The following TRIM56 variants were observed in gnomAD, a reference collection of about 807,000 sequenced individuals.
TRIM56 encodes the protein tripartite motif containing 56.
In TRIM56, 10 loss-of-function variants were observed where a neutral mutation model predicts 17.1. The observed-to-expected ratio is 0.58, with a 90% CI of 0.36 to 0.99. TRIM56 has a LOEUF of 0.99. Ranked by LOEUF, TRIM56 falls within the 50% of genes least tolerant of loss-of-function variation. The pLI is 0.01. For synonymous variants in TRIM56, 503 were observed against 473.5 expected, an observed-to-expected ratio of 1.06 and a Z score of -0.81; for missense variants, 923 against 1,052.3, an observed-to-expected ratio of 0.88 and a Z score of 1.70.
Position 101,091,134 on chromosome 7 carries a change from T to C in TRIM56, c.*1554T>C, listed in dbSNP as rs886745733. On this transcript the variant is annotated 3_prime_UTR_variant, in exon 3 of 3. Transcript: ENST00000306085. ...ACCTTTTCATAAGTGGTGGCAGTGG[T>C]AGAATTGAGGGGGCAAGTAGGCTTG... is the stretch of plus-strand genomic sequence containing the variant. 6.6e-6 allele frequency: 1 copy of C among 150,806 alleles called. No individual in the cohort carries two copies. 9.3% of individuals were successfully genotyped at this position (150,806 alleles called of 1,614,324 possible).
chr7:101,089,810 AT>A lies in TRIM56; in HGVS notation c.*231del. ...AGAGGAGGCAGGTGGGTGGAGGGGGATGCTGGGAGTTCACCTGCCTCTTGCT... is the reference window on the plus strand; with the variant it reads ...AGAGGAGGCAGGTGGGTGGAGGGGGAGCTGGGAGTTCACCTGCCTCTTGCT... On this transcript the variant is annotated 3_prime_UTR_variant, in exon 3 of 3. Coordinates refer to ENST00000306085, the MANE Select transcript of TRIM56 (RefSeq NM_030961.3). The A allele has an allele frequency of 2.1e-6, 1 of 484,768 alleles. No homozygotes were observed. The highest frequency in any genetic ancestry group is 5.6e-4 in the Middle Eastern group (1 of 1,784). 30.0% of individuals were successfully genotyped at this position (484,768 alleles called of 1,614,324 possible).
At chr7:101,086,212 C>T (rs1795446180) in intron 1 of TRIM56, among the ~76,000 whole-genome samples, 1 of 151,268 alleles carries the variant, frequency 6.6e-6, no homozygotes, top group Non-Finnish European at 1.5e-5. Flanking sequence ...GGAGACCAGC[C>T]TGGGCAACAT....
Position 101,088,810 on chromosome 7 carries a change from C to G in TRIM56, c.1498C>G (p.Arg500Gly). The G allele has an allele frequency of 1.2e-6, 2 of 1,613,814 alleles. No individual in the cohort carries two copies. The highest frequency in any genetic ancestry group is 1.7e-6 in the Non-Finnish European group (2 of 1,180,042). The stretch of plus-strand genomic sequence containing the variant: ...CATCTTTTACTGCAGTTTCCCCACG[C>G]GGATGCCTGGAGACAAGCGGTCCCC... The part of the protein sequence containing the change: ...RPIFYCSFPT[R>G]MPGDKRSPRI... Residue 500 changes from arginine to glycine, a missense_variant, in exon 3 of 3, where the codon CGG (arginine) becomes GGG (glycine). Transcript: ENST00000306085.
rs1330939599 is a variant in TRIM56, at chr7:101,092,227, G to C, written c.*2647G>C. ...GCCGCCACCCCCTCTGGGAAGTGCG[G>C]AGTGTCTCTGCCTGGCCGCCCATTG... On this transcript the variant is annotated 3_prime_UTR_variant, in exon 3 of 3. Transcript: ENST00000306085. The C allele has an allele frequency of 5.0e-6, 1 of 198,252 alleles. No individual in the cohort carries two copies. The highest frequency in any genetic ancestry group is 5.7e-5 in the Admixed American group (1 of 17,436). The allele number at this position is 198,252 out of a possible 1,614,324, so 12.3% of individuals were successfully genotyped here.
Position 101,090,891 on chromosome 7 carries a change from A to T in TRIM56, c.*1311A>T, listed in dbSNP as rs2116537402. On this transcript the variant is annotated 3_prime_UTR_variant, in exon 3 of 3. Coordinates refer to ENST00000306085, the MANE Select transcript of TRIM56 (RefSeq NM_030961.3). Reference sequence around the variant, plus strand: ...TTGCCTTCTCTTCATTTTCCAGCAAAATTCCTTTTGAGATATGTTGGCCTT... The same window carrying T: ...TTGCCTTCTCTTCATTTTCCAGCAATATTCCTTTTGAGATATGTTGGCCTT... 6.6e-6 allele frequency: 1 copy of T among 151,968 alleles called. No individual in the cohort carries two copies. The highest frequency in any genetic ancestry group is 1.9e-4 in the East Asian group (1 of 5,150). 9.4% of individuals were successfully genotyped at this position (151,968 alleles called of 1,614,324 possible).
At position 101,088,505 on chromosome 7, in the gene TRIM56, A is replaced by G. The variant is rs775053601; in HGVS notation, c.1193A>G (p.Asp398Gly). The G allele has an allele frequency of 8.1e-6, 13 of 1,613,860 alleles. No individual in the cohort carries two copies. The highest frequency in any genetic ancestry group is 1.1e-5 in the Non-Finnish European group (13 of 1,179,908). The change falls in exon 3 of 3, where the codon GAT (aspartate) becomes GGT (glycine). Residue 398 changes from aspartate to glycine, a missense_variant. Transcript: ENST00000306085. ...GAGGAGAGCCAGAGCCGGAGGGAGG[A>G]TGAGCCGAAGACTGAGAGACAGGGT... ...GGEESQSRREDEPKTERQGGV... is the reference protein window; with the variant it reads ...GGEESQSRREGEPKTERQGGV...
In TRIM56 at chr7:101,092,738, C is replaced by A. The variant is rs13237868; in HGVS notation, c.*3158C>A. The A allele has an allele frequency of 0.02, 3,015 of 150,882 alleles. 36 individuals are homozygous for A. The highest frequency in any genetic ancestry group is 0.031 in the Non-Finnish European group (2,139 of 69,362). The allele number at this position is 150,882 out of a possible 1,614,324, so 9.3% of individuals were successfully genotyped here. Reference sequence around the variant, plus strand: ...GAGGTGGGGGGCGCCTCCGCCCGGCCGCTGTCCCGTCCGGGAGGTGGGGGG... The same window carrying A: ...GAGGTGGGGGGCGCCTCCGCCCGGCAGCTGTCCCGTCCGGGAGGTGGGGGG... On this transcript the variant is annotated 3_prime_UTR_variant, in exon 3 of 3. Transcript: ENST00000306085.
Position 101,087,718 on chromosome 7 carries a change from C to T in TRIM56, c.406C>T (p.Arg136Cys), listed in dbSNP as rs775941310. The change falls in exon 3 of 3, where the codon CGC becomes TGC. Residue 136 changes from arginine to cysteine, a missense_variant. This residue lies in a region of TRIM56 where 643 missense variants were observed against 665.6 expected (regional missense o/e 0.97). Transcript: ENST00000306085. ...GTGCCAGGCCTGTGCCGACGGGCAC[C>T]GCTGCACCCGCCAGACCCACACCCA... ...DLCQACADGH[R>C]CTRQTHTHRV... 4 of 1,586,872 alleles carry T rather than the reference C, an allele frequency of 2.5e-6. No individual in the cohort carries two copies. Among genetic ancestry groups the T allele is most frequent in the African/African-American group, 2.7e-5 (2 of 74,520 alleles).
chr7:101,087,243 C>T (rs988619186), intron 2 of TRIM56, 69 bp from the exon 3 acceptor site: 92 of 1,418,154 alleles, frequency 6.5e-5, no homozygotes, highest in Non-Finnish European at 7.7e-5. Context: ...TGAGGACGGG[C>T]GGTAGAAGCT....
rs866667303 is a variant in TRIM56 at position 101,088,739 on chromosome 7, C to T, written c.1427C>T (p.Pro476Leu). 6.2e-7 allele frequency: 1 copy of T among 1,614,082 alleles called. No individual in the cohort carries two copies. The highest frequency in any genetic ancestry group is 1.1e-5 in the South Asian group (1 of 91,082). The change falls in exon 3 of 3, where the codon CCA becomes CTA. Residue 476 changes from proline (P) to leucine (L), a missense_variant. Pro to Leu is a moderately conservative substitution (Grantham distance 98). This residue lies in a region of TRIM56 where 643 missense variants were observed against 665.6 expected (regional missense o/e 0.97). Transcript: ENST00000306085. ...RLKSISREPS[P>L]ALGPNLDGSG... ...AAGTCAATTTCCCGGGAGCCCAGCC[C>T]AGCCCTGGGGCCGAATCTGGACGGC... is the stretch of plus-strand genomic sequence containing the variant.
At position 101,093,126 on chromosome 7, in the gene TRIM56, G is replaced by T. The variant is rs1670033561; in HGVS notation, c.*3546G>T. 4 of 162,850 alleles carry T rather than the reference G, an allele frequency of 2.5e-5. No individual in the cohort carries two copies. The South Asian group carries it at 5.5e-4, about 22-fold the overall frequency. The allele number at this position is 162,850 out of a possible 1,614,324, so 10.1% of individuals were successfully genotyped here. A position where few individuals can be genotyped will look rare whatever the true frequency, so the allele number is the denominator to read the frequency against. ...GCAAGATGTGCTTTGTTAAACAGAT[G>T]CTTGAAGGCAGCATGCTCCTTAAGA... is the stretch of plus-strand genomic sequence containing the variant. On this transcript the variant is annotated 3_prime_UTR_variant, in exon 3 of 3. Transcript: ENST00000306085.
Position 101,092,028 on chromosome 7 carries a change from G to A in TRIM56, c.*2448G>A. On this transcript the variant is annotated 3_prime_UTR_variant, in exon 3 of 3. Transcript: ENST00000306085. Reference sequence around the variant, plus strand: ...TGGTCTCCAGCTCCTAACCGCGAGTGATCCGCCAGCCTCGGCCTCCGGAGG... The same window carrying A: ...TGGTCTCCAGCTCCTAACCGCGAGTAATCCGCCAGCCTCGGCCTCCGGAGG... 1 of 291,374 alleles carries A rather than the reference G, an allele frequency of 3.4e-6. No individual in the cohort carries two copies. The highest frequency in any genetic ancestry group is 6.6e-6 in the Non-Finnish European group (1 of 151,242). 18.0% of individuals were successfully genotyped at this position (291,374 alleles called of 1,614,324 possible).
Position 101,089,604 on chromosome 7 carries a change from G to A in TRIM56, c.*24G>A. 6.3e-7 allele frequency: 1 copy of A among 1,587,544 alleles called. No individual in the cohort carries two copies. Among genetic ancestry groups the A allele is most frequent in the Non-Finnish European group, 8.6e-7 (1 of 1,162,224 alleles). Reference sequence around the variant, plus strand: ...AAAGGGGCTAGGACTAGGGTGAGAGGGAGTGGGGAGGGAGAGGGCAGGAAG... The same window carrying A: ...AAAGGGGCTAGGACTAGGGTGAGAGAGAGTGGGGAGGGAGAGGGCAGGAAG... On this transcript the variant is annotated 3_prime_UTR_variant, in exon 3 of 3. Coordinates refer to ENST00000306085, the MANE Select transcript of TRIM56 (RefSeq NM_030961.3).
In TRIM56 at chr7:101,089,013, C is replaced by T. The variant is rs185111615; in HGVS notation, c.1701C>T (p.Ser567=). The part of the protein sequence containing the change: ...ALQSAVAFSA[S]ARLYLINPNG... ...AGAGCGCGGTGGCCTTCTCCGCTAG[C>T]GCACGGCTCTATCTCATCAACCCCA... The change falls in exon 3 of 3, where the codon AGC becomes AGT. Residue 567 remains serine, a synonymous_variant. Coordinates refer to ENST00000306085, the MANE Select transcript of TRIM56 (RefSeq NM_030961.3). 11 of 1,606,674 alleles carry T rather than the reference C, an allele frequency of 6.8e-6. No individual in the cohort carries two copies. Among genetic ancestry groups the T allele is most frequent in the Admixed American group, 3.3e-5 (2 of 60,014 alleles).
At position 101,097,213 on chromosome 7, in the gene TRIM56, C is replaced by G. The variant is rs1795664891; in HGVS notation, c.*7633C>G. On this transcript the variant is annotated 3_prime_UTR_variant, in exon 3 of 3. Transcript: ENST00000306085. ...TGGGCAGGGTTGAACAGGCGAGTGC[C>G]AAGATCAAGGTCTCTGATTGTCTCT... The G allele has an allele frequency of 6.6e-6, 1 of 152,144 alleles. No individual in the cohort carries two copies. Among genetic ancestry groups the G allele is most frequent in the Non-Finnish European group, 1.5e-5 (1 of 68,030 alleles). 9.4% of individuals were successfully genotyped at this position (152,144 alleles called of 1,614,324 possible).
rs1002158685 is a variant in TRIM56, at chr7:101,088,183, A to C, written c.871A>C (p.Arg291=). The change falls in exon 3 of 3, where the codon AGG becomes CGG. Residue 291 remains arginine, a synonymous_variant. Coordinates refer to ENST00000306085, the MANE Select transcript of TRIM56 (RefSeq NM_030961.3). ...VEAAEEAARE[R]LAELEGREQV... is the part of the protein sequence containing the mutation. ...GGCTGCCGAAGAAGCTGCTCGGGAG[A>C]GGCTGGCGGAGCTTGAGGGCCGGGA... 3.4e-6 allele frequency: 5 copies of C among 1,483,284 alleles called. No homozygotes were observed. In the East Asian group the frequency reaches 9.9e-5, roughly 29 times the overall value. The allele number at this position is 1,483,284 out of a possible 1,614,324, so 91.9% of individuals were successfully genotyped here.
In TRIM56 at chr7:101,094,502, A is replaced by G. The variant is rs536065857; in HGVS notation, c.*4922A>G. 49 of 152,312 alleles carry G rather than the reference A, an allele frequency of 3.2e-4. No individual in the cohort carries two copies. Among genetic ancestry groups the G allele is most frequent in the East Asian group, 2.5e-3 (13 of 5,186 alleles). The allele number at this position is 152,312 out of a possible 1,614,324, so 9.4% of individuals were successfully genotyped here. ...AATACACCTTTATAAGTAATACTCAATAACTACTGGGTTTGAGAATGAAGG... is the reference window on the plus strand; with the variant it reads ...AATACACCTTTATAAGTAATACTCAGTAACTACTGGGTTTGAGAATGAAGG... On this transcript the variant is annotated 3_prime_UTR_variant, in exon 3 of 3. Transcript: ENST00000306085.
chr7:101,092,916 GAT>G lies in TRIM56; in HGVS notation c.*3338_*3339del, dbSNP rs1795602892. On this transcript the variant is annotated 3_prime_UTR_variant, in exon 3 of 3. Transcript: ENST00000306085. ...AGAAAAGGGGGAAAGGTGGGGAAAA[GAT>G]AGAGAAATCAGATTGTTGCCGTGTC... 5.5e-6 allele frequency: 1 copy of G among 182,650 alleles called. No homozygotes were observed. The highest frequency in any genetic ancestry group is 2.4e-5 in the African/African-American group (1 of 41,866). The allele number at this position is 182,650 out of a possible 1,614,324, so 11.3% of individuals were successfully genotyped here.
In TRIM56 at chr7:101,088,308, C is replaced by T. The variant is rs1281090930; in HGVS notation, c.996C>T (p.Leu332=). Residue 332 remains leucine, a synonymous_variant, in exon 3 of 3, where the codon CTC becomes CTT. Transcript: ENST00000306085. ...LSLEGAIAQR[L]RQLQGCPWAP... is the part of the protein sequence containing the mutation. ...TGGAAGGGGCGATCGCACAGCGGCT[C>T]AGGCAGCTGCAGGGCTGCCCCTGGG... The T allele has an allele frequency of 2.0e-6, 3 of 1,524,668 alleles. No individual in the cohort carries two copies. Among genetic ancestry groups the T allele is most frequent in the Non-Finnish European group, 2.6e-6 (3 of 1,141,014 alleles). The allele number at this position is 1,524,668 out of a possible 1,614,324, so 94.4% of individuals were successfully genotyped here.
Sources: gnomAD v4.1 joint callset for allele counts (sites outside exome capture counted in the v4.1 genomes callset) on GRCh38, gnomAD v4.1.1 for gene constraint, gnomAD v4.1.1 regional missense constraint, MANE v1.5 for transcripts, NCBI Gene and HGNC (gene_info 2026-07-23, HGNC 2026-07-21) for gene names.